GRID1: variants seen among roughly 807,000 people sequenced by gnomAD.
GRID1 encodes the protein glutamate receptor ionotropic, delta-1.
A neutral mutation model predicts 98.0 loss-of-function variants in GRID1; 28 were observed. That is an observed-to-expected ratio of 0.29 (90% CI 0.21 to 0.39). GRID1 has a LOEUF of 0.39. GRID1 is among the 10% of genes least tolerant of loss of function. The pLI, the probability that GRID1 is intolerant of heterozygous loss-of-function variation, is 1.00. For missense variants in GRID1, 1,111 were observed against 1,340.5 expected, an observed-to-expected ratio of 0.83 and a Z score of 2.67; for synonymous variants, 553 against 538.5, an observed-to-expected ratio of 1.03 and a Z score of -0.37.
At chr10:85,938,457 A>G (rs1217173089) in intron 4 of GRID1, among the ~76,000 whole-genome samples, 1 of 152,164 alleles carries the variant, frequency 6.6e-6, no homozygotes, top group Non-Finnish European at 1.5e-5. Flanking sequence ...AGCACTTACT[A>G]TATGCTGGGC....
At chr10:86,221,898 T>C (rs72841771) in intron 2 of GRID1, among the ~76,000 whole-genome samples, 5 of 150,014 alleles carry the variant, frequency 3.3e-5, no homozygotes, top group South Asian at 4.2e-4. Flanking sequence ...TCCTCCTCCT[T>C]CTCCTCCTCC....
intron 8 of GRID1, among the ~76,000 whole-genome samples, chr10:85,830,059 T>C (rs1041795596): frequency 5.3e-5 from 8 of 152,130 alleles, no homozygotes; most frequent in African/African-American, 9.7e-5. Flanking sequence ...CTTCAAACTA[T>C]ACTACAAGGC....
intron 4 of GRID1, among the ~76,000 whole-genome samples, chr10:86,050,801 T>A (rs1843490906): frequency 5.3e-5 from 8 of 150,854 alleles, no homozygotes; most frequent in Admixed American, 4.6e-4. Context: ...GCAATTGCAA[T>A]GGAATGTCAA....
At chr10:85,718,505 T>G (rs1187495900) in intron 12 of GRID1, among the ~76,000 whole-genome samples, 2 of 152,248 alleles carry the variant, frequency 1.3e-5, no homozygotes, top group African/African-American at 4.8e-5. Context: ...TCTTCTGAAA[T>G]CTAGGCAGAG....
In GRID1 at chr10:85,869,089, T is replaced by G; in HGVS notation, c.872A>C (p.Asn291Thr). The G allele has an allele frequency of 6.2e-7, 1 of 1,614,080 alleles. No individual in the cohort carries two copies. Among genetic ancestry groups the G allele is most frequent in the Non-Finnish European group, 8.5e-7 (1 of 1,179,948 alleles). ...VRQIFPSAKD[N>T]QKCTRNNHRI... ...GTGGTTGTTCCTCGTGCATTTCTGA[T>G]TGTCCTTTGCAGACGGAAAGATTTG... The change falls in exon 6 of 16, where the codon AAT (asparagine) becomes ACT (threonine). Residue 291 changes from asparagine (N) to threonine (T), a missense_variant. Around this residue, in one of 3 missense-constraint regions of GRID1, gnomAD observed 346 missense variants for 452.3 expected, o/e 0.76. Transcript: ENST00000327946.
intron 2 of GRID1, among the ~76,000 whole-genome samples, chr10:86,291,337 C>T (rs1237709663): frequency 6.6e-6 from 1 of 152,160 alleles, no homozygotes; most frequent in African/African-American, 2.4e-5. Flanking sequence ...AGACTTTGGC[C>T]CAGAGACCGT....
At chr10:85,880,526 T>C (rs1305080693) in intron 5 of GRID1, among the ~76,000 whole-genome samples, 9 of 152,082 alleles carry the variant, frequency 5.9e-5, no homozygotes, top group Non-Finnish European at 1.0e-4. Context: ...AAAAACCACA[T>C]GATTATCTCA....
intron 2 of GRID1, among the ~76,000 whole-genome samples, chr10:86,264,101 G>A (rs1847065399): frequency 6.6e-6 from 1 of 152,104 alleles, no homozygotes; most frequent in South Asian, 2.1e-4. Context: ...TTCATTGCCA[G>A]TCACGCTGAC....
intron 12 of GRID1, among the ~76,000 whole-genome samples, chr10:85,699,213 T>C (rs1841426157): frequency 6.6e-6 from 1 of 152,014 alleles, no homozygotes; most frequent in African/African-American, 2.4e-5. Flanking sequence ...CCACCACACC[T>C]GGCTAATTTT....
chr10:86,314,558 G>A (rs1847874031), intron 2 of GRID1, among the ~76,000 whole-genome samples: 1 of 152,204 alleles, frequency 6.6e-6, no homozygotes, highest in South Asian at 2.1e-4. Context: ...GTGTTCTGGG[G>A]GCATTTCCTG....
intron 13 of GRID1, among the ~76,000 whole-genome samples, chr10:85,627,798 C>G (rs1349592080): frequency 2.0e-5 from 3 of 152,184 alleles, no homozygotes; most frequent in Non-Finnish European, 4.4e-5. Context: ...AAACACTGTA[C>G]CTGGTACAGC....
rs866494442 is a variant in GRID1, at chr10:85,892,216, C to A, written c.781-23036G>T. On this transcript the variant is annotated intron_variant, in intron 5 of 15. Coordinates refer to ENST00000327946, the MANE Select transcript of GRID1 (RefSeq NM_017551.3). The stretch of plus-strand genomic sequence containing the variant: ...ATGAATCATGGAGATAAAAAAAAAA[C>A]AAAAAAAAAAACAGGAAAAAGATCA... 6.8e-3 allele frequency among the ~76,000 whole-genome samples: 845 copies of A among 123,424 alleles called. 4 individuals are homozygous for A. The highest frequency in any genetic ancestry group is 0.019 in the African/African-American group (656 of 33,978). The allele number at this position is 123,424 out of a possible 152,430, so 81.0% of individuals were successfully genotyped here. A position where few individuals can be genotyped will look rare whatever the true frequency, so the allele number is the denominator to read the frequency against.
At chr10:85,683,839 A>G (rs1395136575) in intron 12 of GRID1, among the ~76,000 whole-genome samples, 1 of 152,216 alleles carries the variant, frequency 6.6e-6, no homozygotes, top group African/African-American at 2.4e-5. Flanking sequence ...TCTTACAGAT[A>G]ATAATAGACA....
intron 2 of GRID1, among the ~76,000 whole-genome samples, chr10:86,356,383 T>C (rs1001880606): frequency 2.0e-5 from 3 of 152,254 alleles, no homozygotes; most frequent in Admixed American, 1.3e-4. Context: ...GCAATTCTGT[T>C]GCTCACCAGT....
chr10:86,307,413 GT>G (rs1847773504), intron 2 of GRID1, among the ~76,000 whole-genome samples: 1 of 152,108 alleles, frequency 6.6e-6, no homozygotes, highest in Admixed American at 6.5e-5. Flanking sequence ...CCTAGAGAAC[GT>G]TATGCTTTGT....
intron 4 of GRID1, among the ~76,000 whole-genome samples, chr10:86,000,677 T>C (rs1564646678): frequency 6.6e-6 from 1 of 152,160 alleles, no homozygotes; most frequent in Admixed American, 6.5e-5. Context: ...GGAGAAAGGA[T>C]AGCGTCTTAA....
chr10:85,905,027 G>A (rs1327445291), intron 5 of GRID1, among the ~76,000 whole-genome samples: 1 of 151,846 alleles, frequency 6.6e-6, no homozygotes, highest in African/African-American at 2.4e-5. Context: ...TCAACAAAGT[G>A]CAGGCACACA....
chr10:86,063,503 C>T (rs1225182560), intron 4 of GRID1, among the ~76,000 whole-genome samples: 1 of 152,178 alleles, frequency 6.6e-6, no homozygotes, highest in Non-Finnish European at 1.5e-5. Flanking sequence ...GTGTAAGATA[C>T]ATCTTATCCT....
chr10:85,816,473 C>T (rs191801238), intron 8 of GRID1, among the ~76,000 whole-genome samples: 500 of 152,206 alleles, frequency 3.3e-3, no homozygotes, highest in African/African-American at 0.012. Flanking sequence ...GTAAAGTCAA[C>T]CTATAGAGAC....
Sources: gnomAD v4.1 joint callset for allele counts (sites outside exome capture counted in the v4.1 genomes callset) on GRCh38, gnomAD v4.1.1 for gene constraint, gnomAD v4.1.1 regional missense constraint, MANE v1.5 for transcripts, NCBI Gene and HGNC (gene_info 2026-07-23, HGNC 2026-07-21) for gene names.